ZNF438: variants seen among roughly 807,000 people sequenced by gnomAD.
ZNF438 encodes the protein zinc finger protein 438.
In ZNF438, 25 loss-of-function variants were observed where a neutral mutation model predicts 38.0. That is an observed-to-expected ratio of 0.66 (90% CI 0.48 to 0.92). The LOEUF is 0.92. Ranked by LOEUF, ZNF438 falls within the 40% of genes least tolerant of loss-of-function variation. The pLI, the probability that ZNF438 is intolerant of heterozygous loss-of-function variation, is 0.00. For missense variants in ZNF438, 1,007 were observed against 999.6 expected (o/e 1.01, Z -0.10); for synonymous variants, 372 against 364.1 (o/e 1.02, Z -0.25).
At chr10:30,969,637 A>G (rs770221580) in intron 1 of ZNF438, among the ~76,000 whole-genome samples, 2 of 152,214 alleles carry the variant, frequency 1.3e-5, no homozygotes, top group Non-Finnish European at 2.9e-5. Context: ...CCCGAAGTAT[A>G]CCAAATGCAA....
intron 4 of ZNF438, among the ~76,000 whole-genome samples, chr10:30,866,561 G>A (rs974901828): frequency 2.0e-5 from 3 of 151,972 alleles, no homozygotes; most frequent in African/African-American, 4.8e-5. Context: ...TGGGTCAGGC[G>A]CGGTGGCTCA....
chr10:30,930,803 CAAAAAAAAAAAAA>C (rs71527620), intron 2 of ZNF438, among the ~76,000 whole-genome samples: 9,149 of 38,694 alleles, frequency 0.24, 496 homozygotes, highest in East Asian at 0.39. Context: ...GAAACTCAGT[CAAAAAAAAAAAAA>C]AAAAAAAAAA....
chr10:30,864,665 C>T, intron 4 of ZNF438, among the ~76,000 whole-genome samples: 1 of 152,160 alleles, frequency 6.6e-6, no homozygotes, highest in Non-Finnish European at 1.5e-5. Context: ...ATTGACATGG[C>T]TTCCTTCTGC....
intron 4 of ZNF438, chr10:30,857,842 G>A (rs1406771299): frequency 1.8e-6 from 2 of 1,099,066 alleles, no homozygotes; most frequent in Non-Finnish European, 1.2e-6. Context: ...ATAGCACTAG[G>A]TGCCAATGTC....
chr10:30,901,955 AGTT>A (rs2042047209), intron 3 of ZNF438, among the ~76,000 whole-genome samples: 1 of 151,674 alleles, frequency 6.6e-6, no homozygotes, highest in South Asian at 2.1e-4. Flanking sequence ...GCGCGTCTGG[AGTT>A]GTTAGTTTCT....
upstream of ZNF438, chr10:31,032,030 C>A (rs2057330024): frequency 6.6e-6 from 1 of 152,136 alleles, no homozygotes; most frequent in African/African-American, 2.4e-5. Flanking sequence ...CCCGCGCAGG[C>A]GCAGACGGCC....
intron 1 of ZNF438, among the ~76,000 whole-genome samples, chr10:31,026,828 C>G (rs1430348498): frequency 6.6e-6 from 1 of 152,090 alleles, no homozygotes; most frequent in East Asian, 1.9e-4. Flanking sequence ...ATAGCAAAGA[C>G]TTGGAACCAA....
chr10:30,998,277 A>G (rs531109225), intron 1 of ZNF438, among the ~76,000 whole-genome samples: 4 of 152,196 alleles, frequency 2.6e-5, no homozygotes, highest in Non-Finnish European at 5.9e-5. Flanking sequence ...GCAGTGGCTC[A>G]TGCCTGTAAT....
chr10:30,868,242 T>C (rs1311567990), intron 4 of ZNF438, among the ~76,000 whole-genome samples: 1 of 152,096 alleles, frequency 6.6e-6, no homozygotes, highest in Non-Finnish European at 1.5e-5. Flanking sequence ...GCTAATGTTT[T>C]GCATTTTTAG....
At chr10:30,869,753 A>G (rs2037087960) in intron 4 of ZNF438, among the ~76,000 whole-genome samples, 1 of 152,264 alleles carries the variant, frequency 6.6e-6, no homozygotes, top group Non-Finnish European at 1.5e-5. Context: ...ATGGTACCAA[A>G]AGTCCAAGAA....
At chr10:30,974,833 ACT>A (rs995171753) in intron 1 of ZNF438, among the ~76,000 whole-genome samples, 4 of 152,202 alleles carry the variant, frequency 2.6e-5, no homozygotes, top group Admixed American at 2.6e-4. Flanking sequence ...CTAGTCTGAG[ACT>A]CACAAAAGTT....
At chr10:31,025,503 G>T (rs2056884103) in intron 1 of ZNF438, among the ~76,000 whole-genome samples, 1 of 152,180 alleles carries the variant, frequency 6.6e-6, no homozygotes. Context: ...CTGCTTGGTG[G>T]CTTGCAATGC....
At chr10:30,947,143 T>C (rs2047509561) in intron 1 of ZNF438, among the ~76,000 whole-genome samples, 1 of 152,238 alleles carries the variant, frequency 6.6e-6, no homozygotes, top group African/African-American at 2.4e-5. Flanking sequence ...TTTGCCAAAG[T>C]GACAGAAATG....
At chr10:30,863,074 C>CA (rs1238538206) in intron 4 of ZNF438, among the ~76,000 whole-genome samples, 5 of 152,104 alleles carry the variant, frequency 3.3e-5, no homozygotes, top group Non-Finnish European at 5.9e-5. Flanking sequence ...TTCTATACCT[C>CA]AGCTTTTATG....
chr10:30,856,511 T>C (rs772655109), intron 4 of ZNF438, among the ~76,000 whole-genome samples: 1 of 152,208 alleles, frequency 6.6e-6, no homozygotes, highest in African/African-American at 2.4e-5. Context: ...AATATAGTTA[T>C]ACAACAGTGG....
At chr10:30,917,430 G>C (rs1319757658) in intron 2 of ZNF438, among the ~76,000 whole-genome samples, 1 of 152,096 alleles carries the variant, frequency 6.6e-6, no homozygotes, top group Non-Finnish European at 1.5e-5. Flanking sequence ...GAAACTGCCA[G>C]ATCTTTTTCC....
At chr10:30,956,367 A>G (rs2048863317) in intron 1 of ZNF438, among the ~76,000 whole-genome samples, 1 of 152,220 alleles carries the variant, frequency 6.6e-6, no homozygotes, top group Admixed American at 6.5e-5. Flanking sequence ...ACACATAATA[A>G]TTGTATATAT....
intron 2 of ZNF438, among the ~76,000 whole-genome samples, chr10:30,938,955 C>T (rs1258128642): frequency 1.3e-5 from 2 of 152,058 alleles, no homozygotes; most frequent in Admixed American, 6.6e-5. Context: ...CCACCACACC[C>T]GGCTAATTTT....
At chr10:30,943,433 T>C (rs1212114293) in intron 1 of ZNF438, among the ~76,000 whole-genome samples, 1 of 152,090 alleles carries the variant, frequency 6.6e-6, no homozygotes, top group Non-Finnish European at 1.5e-5. Context: ...AAAAAATACT[T>C]GAATTTAAGA....
Sources: gnomAD v4.1 joint callset for allele counts (sites outside exome capture counted in the v4.1 genomes callset) on GRCh38, gnomAD v4.1.1 for gene constraint, MANE v1.5 for transcripts, NCBI Gene and HGNC (gene_info 2026-07-23, HGNC 2026-07-21) for gene names.